Variants in PRPF38A observed in about 807,000 individuals in gnomAD.
PRPF38A encodes the protein pre-mRNA processing factor 38A.
Under a neutral mutation model 46.8 loss-of-function variants are expected in PRPF38A, and 11 were observed. The ratio of observed to expected loss-of-function variants is 0.24; its 90% CI spans 0.15 to 0.39. The LOEUF is 0.39. PRPF38A is among the 10% of genes least tolerant of loss of function. The probability of loss-of-function intolerance (pLI) is 1.00; values close to 1 mark genes in which losing one functional copy is unlikely to be tolerated. For missense variants in PRPF38A, 261 were observed against 407.5 expected (o/e 0.64, Z 3.10); for synonymous variants, 124 against 136.2 (o/e 0.91, Z 0.62).
At chr1:52,415,263 A>G in intron 8 of PRPF38A, 75 bp from the exon 9 acceptor site, 1 of 1,444,340 alleles carries the variant, frequency 6.9e-7, no homozygotes, top group Non-Finnish European at 9.7e-7. Context: ...AATGGCAGGT[A>G]TTAGGGGAGG....
chr1:52,405,554 T>C (rs773485527), intron 1 of PRPF38A, 126 bp from the exon 2 acceptor site: 1 of 803,950 alleles, frequency 1.2e-6, no homozygotes, highest in Non-Finnish European at 2.1e-6. Flanking sequence ...CTGTTATTAA[T>C]ACACATTCGT....
At position 52,420,449 on chromosome 1, in the gene PRPF38A, GTC is replaced by G. The variant is rs1356818504; in HGVS notation, c.*3763_*3764del. On this transcript the variant is annotated 3_prime_UTR_variant, in exon 10 of 10. Transcript: ENST00000257181. ...TCTTTCATAGCAGGAATCACGTACA[GTC>G]TCTAATTAAAACATACATGAAGCTA... 1.3e-5 allele frequency: 2 copies of G among 152,004 alleles called. No homozygotes were observed. Among genetic ancestry groups the G allele is most frequent in the Non-Finnish European group, 2.9e-5 (2 of 67,998 alleles). The allele number at this position is 152,004 out of a possible 1,614,324, so 9.4% of individuals were successfully genotyped here.
In PRPF38A at chr1:52,405,650, A is replaced by G. The variant is rs919940640; in HGVS notation, c.131-30A>G. On this transcript the variant is annotated intron_variant, in intron 1 of 9. Transcript: ENST00000257181. ...TCCAACTAGGAAGAGCTTAGCCCTAATATGTTACTGTATTGTTTTTGTTTT... is the reference window on the plus strand; with the variant it reads ...TCCAACTAGGAAGAGCTTAGCCCTAGTATGTTACTGTATTGTTTTTGTTTT... The G allele has an allele frequency of 1.9e-6, 3 of 1,610,180 alleles. No homozygotes were observed. The African/African-American group carries it at 4.0e-5, about 22-fold the overall frequency.
Position 52,415,377 on chromosome 1 carries a change from C to G in PRPF38A, c.887C>G (p.Ser296Cys). The G allele has an allele frequency of 6.2e-7, 1 of 1,613,662 alleles. No homozygotes were observed. The highest frequency in any genetic ancestry group is 1.3e-5 in the African/African-American group (1 of 75,036). The change falls in exon 9 of 10, where the codon TCT becomes TGT. Residue 296 changes from serine to cysteine, a missense_variant. By Grantham distance (112) the Ser-to-Cys change is moderately radical (BLOSUM62 -1). Transcript: ENST00000257181. ...RSHRHRSHSK[S>C]PERSKKSHKK... is the part of the protein sequence containing the mutation. ...CACAGACACAGGAGCCACTCAAAGT[C>G]TCCCGAAAGGTAATGAATTGACCTC...
At chr1:52,405,652 A>G (rs773409532) in intron 1 of PRPF38A, 28 bp from the exon 2 acceptor site, 8 of 1,610,356 alleles carry the variant, frequency 5.0e-6, no homozygotes, top group African/African-American at 1.3e-5. Flanking sequence ...TAGCCCTAAT[A>G]TGTTACTGTA....
chr1:52,414,371 A>G (rs1438506191), intron 6 of PRPF38A, among the ~76,000 whole-genome samples: 1 of 152,184 alleles, frequency 6.6e-6, no homozygotes, highest in Non-Finnish European at 1.5e-5. Context: ...TCAAGAGCAA[A>G]CAAACCCGGT....
Position 52,414,920 on chromosome 1 carries a change from T to C in PRPF38A, c.847+61T>C, listed in dbSNP as rs1011509874. The C allele has an allele frequency of 8.7e-6, 13 of 1,492,266 alleles. 1 individual carries two copies. In the Admixed American group the frequency reaches 2.2e-4, roughly 25 times the overall value. 92.4% of individuals were successfully genotyped at this position (1,492,266 alleles called of 1,614,324 possible). On this transcript the variant is annotated intron_variant, in intron 8 of 9. Transcript: ENST00000257181. Reference sequence around the variant, plus strand: ...AACAAAGAAATGTAAAAGGAGTAGTTAGCCTCCTGCAGTACAGGAGTGCCT... The same window carrying C: ...AACAAAGAAATGTAAAAGGAGTAGTCAGCCTCCTGCAGTACAGGAGTGCCT...
chr1:52,415,381 C>T lies in PRPF38A; in HGVS notation c.891C>T (p.Pro297=), dbSNP rs757158113. Residue 297 remains proline (P), a synonymous_variant, in exon 9 of 10, where the codon CCC becomes CCT. Coordinates refer to ENST00000257181, the MANE Select transcript of PRPF38A (RefSeq NM_032864.4). ...SHRHRSHSKS[P]ERSKKSHKKS... is the part of the protein sequence containing the mutation. The stretch of plus-strand genomic sequence containing the variant: ...GACACAGGAGCCACTCAAAGTCTCC[C>T]GAAAGGTAATGAATTGACCTCTATT... The T allele has an allele frequency of 1.5e-5, 24 of 1,613,064 alleles. No homozygotes were observed. In the South Asian group the frequency reaches 2.3e-4, roughly 16 times the overall value.
chr1:52,410,735 C>G (rs2147956869), intron 3 of PRPF38A, among the ~76,000 whole-genome samples: 1 of 152,314 alleles, frequency 6.6e-6, no homozygotes, highest in East Asian at 1.9e-4. Flanking sequence ...CTCCTAACCT[C>G]AAGTGATCTG....
In PRPF38A at chr1:52,415,380, C is replaced by T. The variant is rs751501968; in HGVS notation, c.890C>T (p.Pro297Leu). 1.9e-6 allele frequency: 3 copies of T among 1,613,466 alleles called. No homozygotes were observed. The highest frequency in any genetic ancestry group is 2.5e-6 in the Non-Finnish European group (3 of 1,179,520). Residue 297 changes from proline to leucine, a missense_variant, in exon 9 of 10, where the codon CCC becomes CTC. This residue lies in a region of PRPF38A where 180 missense variants were observed against 221.0 expected (regional missense o/e 0.81). Transcript: ENST00000257181. ...AGACACAGGAGCCACTCAAAGTCTC[C>T]CGAAAGGTAATGAATTGACCTCTAT... ...SHRHRSHSKSPERSKKSHKKS... is the reference protein window; with the variant it reads ...SHRHRSHSKSLERSKKSHKKS...
rs201965559 is a variant in PRPF38A at position 52,415,404 on chromosome 1, A to G, written c.896+18A>G. ...CCCGAAAGGTAATGAATTGACCTCT[A>G]TTTTAACTTTACAGAAATAGTCCAA... On this transcript the variant is annotated intron_variant, in intron 9 of 9. Transcript: ENST00000257181. 6 of 1,607,218 alleles carry G rather than the reference A, an allele frequency of 3.7e-6. No individual in the cohort carries two copies. Among genetic ancestry groups the G allele is most frequent in the East Asian group, 4.5e-5 (2 of 44,836 alleles).
rs372639383 is a variant in PRPF38A at position 52,418,668 on chromosome 1, TGTCTGTAGATATC to T, written c.*1981_*1993del. Reference sequence around the variant, plus strand: ...GGAGGTAAGAGTAAGACATGTTGCATGTCTGTAGATATCGTTTTGATAAAATTACACAGGAGAT... The same window carrying T: ...GGAGGTAAGAGTAAGACATGTTGCATGTTTTGATAAAATTACACAGGAGAT... On this transcript the variant is annotated 3_prime_UTR_variant, in exon 10 of 10. Transcript: ENST00000257181. The T allele has an allele frequency of 1.2e-3, 180 of 152,368 alleles. No homozygotes were observed. Among genetic ancestry groups the T allele is most frequent in the African/African-American group, 4.0e-3 (167 of 41,588 alleles). 9.4% of individuals were successfully genotyped at this position (152,368 alleles called of 1,614,324 possible). A position where few individuals can be genotyped will look rare whatever the true frequency, so the allele number is the denominator to read the frequency against.
chr1:52,416,875 T>G lies in PRPF38A; in HGVS notation c.*185T>G, dbSNP rs1648309301. 1 of 606,424 alleles carries G rather than the reference T, an allele frequency of 1.6e-6. No individual in the cohort carries two copies. 37.6% of individuals were successfully genotyped at this position (606,424 alleles called of 1,614,324 possible). ...TGTATCTTTTTAATCATAATCAACA[T>G]CAGTTTTTGACCCAACTAACCTTGA... On this transcript the variant is annotated 3_prime_UTR_variant, in exon 10 of 10. Coordinates refer to ENST00000257181, the MANE Select transcript of PRPF38A (RefSeq NM_032864.4).
rs2147951866 is a variant in PRPF38A, at chr1:52,404,607, A to G, written c.-143A>G. The G allele has an allele frequency of 4.9e-6, 4 of 823,430 alleles. No homozygotes were observed. Among genetic ancestry groups the G allele is most frequent in the Admixed American group, 2.9e-5 (1 of 34,030 alleles). 51.0% of individuals were successfully genotyped at this position (823,430 alleles called of 1,614,324 possible). ...GCGGGGAGCGGAAGCCCTTTACACT[A>G]CGGTGTTTCCGGCTTCAAGATGGTC... On this transcript the variant is annotated 5_prime_UTR_variant, in exon 1 of 10. Transcript: ENST00000257181.
rs71041898 is a variant in PRPF38A, at chr1:52,415,832, C to CTTTTTTTTTTTTTT, written c.896+461_896+474dup. Among the ~76,000 whole-genome samples, 3 of 51,570 alleles carry CTTTTTTTTTTTTTT rather than the reference C, an allele frequency of 5.8e-5. 1 individual carries two copies. Among genetic ancestry groups the CTTTTTTTTTTTTTT allele is most frequent in the African/African-American group, 2.8e-4 (3 of 10,866 alleles). 33.8% of individuals were successfully genotyped at this position (51,570 alleles called of 152,430 possible). ...TGTGCCATATACCGTTGGGTGCACT[C>CTTTTTTTTTTTTTT]TTTTTTTTTTTTTTTTTTTTTTTTT... On this transcript the variant is annotated intron_variant, in intron 9 of 9. Coordinates refer to ENST00000257181, the MANE Select transcript of PRPF38A (RefSeq NM_032864.4).
In PRPF38A at chr1:52,420,178, C is replaced by CTA. The variant is rs1648425067; in HGVS notation, c.*3491_*3492dup. On this transcript the variant is annotated 3_prime_UTR_variant, in exon 10 of 10. Transcript: ENST00000257181. ...CCAAAGTTGTCTTAAAATACAAAGG[C>CTA]TATAGATGTTCTCAAGTTTGTAAGA... 6.6e-6 allele frequency: 1 copy of CTA among 152,162 alleles called. No individual in the cohort carries two copies. The highest frequency in any genetic ancestry group is 1.5e-5 in the Non-Finnish European group (1 of 68,026). 9.4% of individuals were successfully genotyped at this position (152,162 alleles called of 1,614,324 possible).
chr1:52,408,899 G>T, intron 3 of PRPF38A: 1 of 481,734 alleles, frequency 2.1e-6, no homozygotes, highest in Non-Finnish European at 3.6e-6. Flanking sequence ...GCCTCTGTCT[G>T]TCTCCCTTTC....
At chr1:52,413,468 T>C (rs901402689) in intron 5 of PRPF38A, among the ~76,000 whole-genome samples, 20 of 151,924 alleles carry the variant, frequency 1.3e-4, no homozygotes, top group Non-Finnish European at 1.5e-5. Context: ...GTGCAGTGGC[T>C]CACTGCATTC....
At chr1:52,405,948 A>T in intron 2 of PRPF38A, 109 bp downstream of exon 2, 5 of 927,488 alleles carry the variant, frequency 5.4e-6, no homozygotes, top group South Asian at 1.7e-5. Context: ...AGAGAGTTCC[A>T]CTCCAGATTT....
Sources: allele counts gnomAD v4.1 joint callset (sites outside exome capture counted in the v4.1 genomes callset), GRCh38; gene constraint gnomAD v4.1.1; regional missense constraint gnomAD v4.1.1; transcripts MANE v1.5; gene names NCBI Gene and HGNC (gene_info 2026-07-23, HGNC 2026-07-21).